PFKFB2: variants seen among roughly 807,000 people sequenced by gnomAD.
The protein encoded by PFKFB2 is 6-phosphofructo-2-kinase/fructose-2,6-biphosphatase 2.
PFKFB2 carries 53 observed loss-of-function variants against 68.0 expected under a neutral mutation model. The observed-to-expected ratio is 0.78, with a 90% CI of 0.63 to 0.98. The LOEUF (loss-of-function observed/expected upper bound fraction) is 0.98. Among genes scored for constraint, PFKFB2 ranks in the 50% least tolerant of loss-of-function variants. The pLI is 0.00. For synonymous variants in PFKFB2, 222 were observed against 227.6 expected, an observed-to-expected ratio of 0.98 and a Z score of 0.22; for missense variants, 451 against 642.0, an observed-to-expected ratio of 0.70 and a Z score of 3.22.
chr1:207,062,090 T>A lies in PFKFB2; in HGVS notation c.211+12T>A, dbSNP rs1683136018. 1.9e-6 allele frequency: 3 copies of A among 1,613,928 alleles called. No individual in the cohort carries two copies. The highest frequency in any genetic ancestry group is 2.5e-6 in the Non-Finnish European group (3 of 1,179,952). ...AGTCCCCACCAAAGGTAAGTGTGGC[T>A]CATTCCCTAGGAAAGACAATTATTA... On this transcript the variant is annotated intron_variant, in intron 3 of 14. Coordinates refer to ENST00000367080, the MANE Select transcript of PFKFB2 (RefSeq NM_006212.2).
intron 2 of PFKFB2, among the ~76,000 whole-genome samples, chr1:207,057,302 C>CAAAAAAAAAAAAAAAA (rs748726221): frequency 7.4e-5 from 3 of 40,388 alleles, no homozygotes; most frequent in Non-Finnish European, 1.5e-4. Context: ...AAAAAAACTA[C>CAAAAAAAAAAAAAAAA]AAAAAAAAAA....
Position 207,068,241 on chromosome 1 carries a change from A to T in PFKFB2, c.919A>T (p.Thr307Ser), listed in dbSNP as rs777720748. 10 of 1,612,278 alleles carry T rather than the reference A, an allele frequency of 6.2e-6. No individual in the cohort carries two copies. The Admixed American group carries it at 1.7e-4, about 27-fold the overall frequency. ...AGTGTGGACAAGCCAGTTGAAGAGGACCATACAGACTGCTGAATCTCTCGG... is the reference window on the plus strand; with the variant it reads ...AGTGTGGACAAGCCAGTTGAAGAGGTCCATACAGACTGCTGAATCTCTCGG... ...LKVWTSQLKRTIQTAESLGVP... is the reference protein window; with the variant it reads ...LKVWTSQLKRSIQTAESLGVP... Residue 307 changes from threonine (T) to serine (S), a missense_variant, in exon 10 of 15, where the codon ACC (threonine) becomes TCC (serine). Thr to Ser is a moderately conservative substitution (Grantham distance 58). Coordinates refer to ENST00000367080, the MANE Select transcript of PFKFB2 (RefSeq NM_006212.2).
Position 207,074,650 on chromosome 1 carries a change from A to G in PFKFB2, c.*2279A>G. The G allele has an allele frequency of 1.0e-6, 1 of 985,468 alleles. No homozygotes were observed. Among genetic ancestry groups the G allele is most frequent in the Non-Finnish European group, 1.2e-6 (1 of 829,936 alleles). The allele number at this position is 985,468 out of a possible 1,614,324, so 61.0% of individuals were successfully genotyped here. On this transcript the variant is annotated 3_prime_UTR_variant, in exon 15 of 15. Transcript: ENST00000367080. ...AACCTGCTATTCCTGTTTAGTGGTT[A>G]CATAACATGTACTTAGTGTCTTTGT...
chr1:207,078,950 G>T (rs200666435), downstream of PFKFB2: 2 of 1,611,278 alleles, frequency 1.2e-6, no homozygotes, highest in Non-Finnish European at 1.7e-6. Flanking sequence ...TCTCTGGCTC[G>T]TAGGCAGCAG....
upstream of PFKFB2, chr1:207,049,055 T>C: frequency 6.2e-7 from 1 of 1,613,970 alleles, no homozygotes; most frequent in Non-Finnish European, 8.5e-7. Flanking sequence ...CCTGTCTCCT[T>C]GGCATGTTCC....
In PFKFB2 at chr1:207,070,787, G is replaced by A. The variant is rs893979979; in HGVS notation, c.1222+378G>A. On this transcript the variant is annotated intron_variant, in intron 12 of 14. Coordinates refer to ENST00000367080, the MANE Select transcript of PFKFB2 (RefSeq NM_006212.2). This position sits in a 1 kb window ranked among gnomAD's most constrained non-coding sequence, Gnocchi z 4.2. ...TGGGTAAGGGCAGTAAGAAGGTGCC[G>A]TTGCCTTCTTCCATACTTCGCTTCC... 13 of 279,410 alleles carry A rather than the reference G, an allele frequency of 4.7e-5. No individual in the cohort carries two copies. Among genetic ancestry groups the A allele is most frequent in the Non-Finnish European group, 5.5e-5 (8 of 144,888 alleles). The allele number at this position is 279,410 out of a possible 1,614,324, so 17.3% of individuals were successfully genotyped here.
Position 207,074,647 on chromosome 1 carries a change from G to A in PFKFB2, c.*2276G>A. 1 of 985,344 alleles carries A rather than the reference G, an allele frequency of 1.0e-6. No homozygotes were observed. 61.0% of individuals were successfully genotyped at this position (985,344 alleles called of 1,614,324 possible). The stretch of plus-strand genomic sequence containing the variant: ...AGTAACCTGCTATTCCTGTTTAGTG[G>A]TTACATAACATGTACTTAGTGTCTT... On this transcript the variant is annotated 3_prime_UTR_variant, in exon 15 of 15. Transcript: ENST00000367080.
At chr1:207,035,674 C>CAAA (rs577038375) in intron 1 of PFKFB2, among the ~76,000 whole-genome samples, 4,421 of 149,588 alleles carry the variant, frequency 0.03, 225 homozygotes, top group African/African-American at 0.1. Flanking sequence ...AACAAACAAA[C>CAAA]AAAAAAAACA....
At chr1:207,055,266 G>A (rs1682884535) in intron 2 of PFKFB2, among the ~76,000 whole-genome samples, 1 of 152,142 alleles carries the variant, frequency 6.6e-6, no homozygotes, top group Non-Finnish European at 1.5e-5. Context: ...AGGCCTGAGG[G>A]GAATGAGCCC....
intron 1 of PFKFB2, among the ~76,000 whole-genome samples, chr1:207,039,651 A>C (rs911257798): frequency 2.6e-4 from 40 of 152,236 alleles, no homozygotes; most frequent in Non-Finnish European, 4.0e-4. Flanking sequence ...TTAAAAAAAA[A>C]CCCCACGCTT....
At chr1:207,046,811 C>T (rs1682608951) in intron 2 of PFKFB2, 1 of 151,976 alleles carries the variant, frequency 6.6e-6, no homozygotes, top group Non-Finnish European at 1.5e-5. Flanking sequence ...GTGACAGAAA[C>T]TTATGTTGGA....
chr1:207,049,279 T>C, upstream of PFKFB2: 2 of 1,614,124 alleles, frequency 1.2e-6, no homozygotes, highest in Non-Finnish European at 1.7e-6. Context: ...GATGCCATCA[T>C]AAATAAGCAG....
intron 2 of PFKFB2, chr1:207,045,991 A>T (rs1050228521): frequency 6.6e-6 from 1 of 152,018 alleles, no homozygotes; most frequent in Admixed American, 6.5e-5. Flanking sequence ...GGAACACACT[A>T]ATGTCTTCAC....
intron 2 of PFKFB2, 122 bp downstream of exon 2, chr1:207,054,924 A>G: frequency 2.9e-6 from 2 of 696,242 alleles, no homozygotes; most frequent in Middle Eastern, 2.5e-4. Flanking sequence ...TGGAAATTTA[A>G]TGCAAAGTCT....
chr1:207,072,057 G>A (rs1055206329), intron 14 of PFKFB2, 147 bp from the exon 15 acceptor site: 3 of 1,396,800 alleles, frequency 2.1e-6, no homozygotes, highest in Non-Finnish European at 2.9e-6. Context: ...TAGGAGGCCA[G>A]GCCATGGGCC....
intron 2 of PFKFB2, among the ~76,000 whole-genome samples, chr1:207,042,484 C>G (rs1385667750): frequency 7.6e-6 from 1 of 132,106 alleles, no homozygotes; most frequent in Non-Finnish European, 1.5e-5. Context: ...GCAGGCGGAG[C>G]TTGCAGTGAG....
chr1:207,047,961 G>A (rs1209153403), intron 2 of PFKFB2: 1 of 151,932 alleles, frequency 6.6e-6, no homozygotes, highest in African/African-American at 2.4e-5. Context: ...CACTCTTTAG[G>A]TGTGCAAAAA....
intron 2 of PFKFB2, chr1:207,046,319 C>T (rs1169336323): frequency 6.6e-6 from 1 of 151,898 alleles, no homozygotes; most frequent in African/African-American, 2.4e-5. Context: ...TCAAAATTCC[C>T]AAGATGAGAA....
intron 2 of PFKFB2, among the ~76,000 whole-genome samples, chr1:207,056,994 C>T (rs1682942549): frequency 6.6e-6 from 1 of 152,116 alleles, no homozygotes; most frequent in African/African-American, 2.4e-5. Flanking sequence ...CGGGAAGTGA[C>T]TGGGCTTGAG....
Sources: gnomAD v4.1 joint callset for allele counts (sites outside exome capture counted in the v4.1 genomes callset) on GRCh38, gnomAD v4.1.1 for gene constraint, Gnocchi (gnomAD v3.1) non-coding constraint, MANE v1.5 for transcripts, NCBI Gene and HGNC (gene_info 2026-07-23, HGNC 2026-07-21) for gene names.